The following TTC28 variants were observed in gnomAD, a reference collection of about 807,000 sequenced individuals.
The protein encoded by TTC28 is tetratricopeptide repeat protein 28.
A neutral mutation model predicts 198.0 loss-of-function variants in TTC28; 61 were observed. That is an observed-to-expected ratio of 0.31 (90% CI 0.25 to 0.38). The LOEUF (loss-of-function observed/expected upper bound fraction) is 0.38. Among genes scored for constraint, TTC28 ranks in the 10% least tolerant of loss-of-function variants. The pLI, the probability that TTC28 is intolerant of heterozygous loss-of-function variation, is 1.00. For synonymous variants in TTC28, 1,171 were observed against 1,297.8 expected, an observed-to-expected ratio of 0.90 and a Z score of 2.10; for missense variants, 2,678 against 3,164.0, an observed-to-expected ratio of 0.85 and a Z score of 3.69.
chr22:28,531,578 C>T (rs931056976), intron 2 of TTC28, among the ~76,000 whole-genome samples: 5 of 152,186 alleles, frequency 3.3e-5, no homozygotes, highest in Non-Finnish European at 7.3e-5. Flanking sequence ...ATCTACAGAA[C>T]TCTCCACCCC....
At position 28,098,986 on chromosome 22, in the gene TTC28, T is replaced by A; in HGVS notation, c.3476A>T (p.Asp1159Val). Residue 1159 changes from aspartate to valine, a missense_variant, in exon 10 of 23, where the codon GAC (aspartate) becomes GTC (valine). Physicochemically the swap from Asp to Val is radical, Grantham distance 152. This residue lies in a region of TTC28 where 727 missense variants were observed against 861.9 expected (regional missense o/e 0.84). Transcript: ENST00000397906. ...CAGGTCAAAGAGGGAGAGTTTGTAGTCCGTGCTCAGCTGTGCCTCATGTCG... is the reference window on the plus strand; with the variant it reads ...CAGGTCAAAGAGGGAGAGTTTGTAGACCGTGCTCAGCTGTGCCTCATGTCG... ...TIRHEAQLST[D>V]YKLSLFDLQT... The A allele has an allele frequency of 1.3e-6, 2 of 1,551,910 alleles. No homozygotes were observed. The highest frequency in any genetic ancestry group is 2.4e-5 in the South Asian group (2 of 84,062).
chr22:28,085,764 C>T (rs1941566943), intron 12 of TTC28, among the ~76,000 whole-genome samples: 1 of 152,078 alleles, frequency 6.6e-6, no homozygotes, highest in South Asian at 2.1e-4. Context: ...ATTCAGGAAA[C>T]CCACCTCACG....
chr22:28,027,502 A>AT (rs1307767269), intron 13 of TTC28, among the ~76,000 whole-genome samples: 1 of 152,240 alleles, frequency 6.6e-6, no homozygotes, highest in Non-Finnish European at 1.5e-5. Context: ...CTCATTGCCA[A>AT]ATCAGTCCAG....
At chr22:28,028,978 C>T (rs1204696568) in intron 13 of TTC28, 1 of 471,110 alleles carries the variant, frequency 2.1e-6, no homozygotes. Flanking sequence ...ACTCTGAGCT[C>T]TTCACACTCT....
At chr22:28,197,885 C>A (rs1056966973) in intron 5 of TTC28, among the ~76,000 whole-genome samples, 3 of 151,910 alleles carry the variant, frequency 2.0e-5, no homozygotes, top group Non-Finnish European at 4.4e-5. Flanking sequence ...ATTTAAAAAA[C>A]CCATCAAACA....
Position 28,306,600 on chromosome 22 carries a change from T to A in TTC28, c.425A>T (p.His142Leu). The change falls in exon 3 of 23, where the codon CAT (histidine) becomes CTT (leucine). Residue 142 changes from histidine to leucine, a missense_variant. By Grantham distance (99) the His-to-Leu change is moderately conservative (BLOSUM62 -3). Around this residue, in one of 8 missense-constraint regions of TTC28, gnomAD observed 176 missense variants for 197.9 expected, o/e 0.89. Coordinates refer to ENST00000397906, the MANE Select transcript of TTC28 (RefSeq NM_001145418.2). ...TGCAAAGGCTGCCAGGGCATCGGCA[T>A]GACGTCCAAGGTACTGGAGGGCAAC... ...QGVALQYLGR[H>L]ADALAAFASG... is the part of the protein sequence containing the mutation. 6.4e-7 allele frequency: 1 copy of A among 1,551,640 alleles called. No individual in the cohort carries two copies. The highest frequency in any genetic ancestry group is 1.2e-5 in the South Asian group (1 of 84,060).
intron 6 of TTC28, among the ~76,000 whole-genome samples, chr22:28,155,944 G>C (rs925307211): frequency 6.6e-5 from 10 of 152,176 alleles, no homozygotes; most frequent in African/African-American, 2.4e-4. Context: ...AACTCAACTA[G>C]TAGGTTGATG....
At chr22:28,416,774 A>G (rs1176557599) in intron 2 of TTC28, among the ~76,000 whole-genome samples, 1 of 152,208 alleles carries the variant, frequency 6.6e-6, no homozygotes, top group Non-Finnish European at 1.5e-5. Flanking sequence ...ATACTCTGCA[A>G]AGAGACTGGG....
chr22:28,528,443 G>C (rs887545626), intron 2 of TTC28, among the ~76,000 whole-genome samples: 5 of 151,948 alleles, frequency 3.3e-5, no homozygotes, highest in African/African-American at 1.2e-4. Flanking sequence ...TAAAAACCCA[G>C]TGTAGGCCAG....
intron 12 of TTC28, among the ~76,000 whole-genome samples, chr22:28,083,851 A>T (rs75847087): frequency 6.6e-6 from 1 of 152,256 alleles, no homozygotes; most frequent in African/African-American, 2.4e-5. Flanking sequence ...CAAATGGCAC[A>T]CTAGGAGATT....
intron 5 of TTC28, among the ~76,000 whole-genome samples, chr22:28,230,473 G>A: frequency 6.6e-6 from 1 of 151,938 alleles, no homozygotes; most frequent in Admixed American, 6.5e-5. Context: ...CACATAGAGG[G>A]GAAGGGTCTT....
At chr22:28,337,254 T>A (rs1257114742) in intron 2 of TTC28, among the ~76,000 whole-genome samples, 4 of 152,234 alleles carry the variant, frequency 2.6e-5, no homozygotes, top group African/African-American at 7.2e-5. Flanking sequence ...AGTGCTTTAC[T>A]GCCAACTATG....
At chr22:28,611,860 G>A (rs927457647) in intron 2 of TTC28, among the ~76,000 whole-genome samples, 2 of 152,066 alleles carry the variant, frequency 1.3e-5, no homozygotes, top group African/African-American at 4.8e-5. Flanking sequence ...ACAAGCAAAT[G>A]CAAGAGATTT....
intron 2 of TTC28, among the ~76,000 whole-genome samples, chr22:28,338,334 C>T (rs749846604): frequency 1.2e-4 from 18 of 152,180 alleles, no homozygotes; most frequent in African/African-American, 1.7e-4. Context: ...TTGCTCTTCT[C>T]GAGGAGTATC....
At chr22:28,243,210 A>C (rs1288993880) in intron 5 of TTC28, among the ~76,000 whole-genome samples, 2 of 125,514 alleles carry the variant, frequency 1.6e-5, no homozygotes, top group East Asian at 2.4e-4. Flanking sequence ...AAAAAAAAAA[A>C]AAACTAGCCA....
intron 2 of TTC28, among the ~76,000 whole-genome samples, chr22:28,310,137 C>T (rs2045228501): frequency 8.5e-6 from 1 of 117,094 alleles, no homozygotes; most frequent in Non-Finnish European, 1.7e-5. Context: ...TGACACATAA[C>T]ACACACACAC....
chr22:28,188,602 A>G (rs761011348), intron 5 of TTC28, among the ~76,000 whole-genome samples: 1 of 152,206 alleles, frequency 6.6e-6, no homozygotes, highest in African/African-American at 2.4e-5. Flanking sequence ...TTAGAGATGA[A>G]GACGGAAATG....
In TTC28 at chr22:28,629,562, T is replaced by C; in HGVS notation, c.371A>G (p.Lys124Arg). The change falls in exon 2 of 23, where the codon AAG becomes AGG. Residue 124 changes from lysine (K) to arginine (R), a missense_variant. Lys to Arg is a conservative substitution (Grantham distance 26, BLOSUM62 2). Transcript: ENST00000397906. Reference sequence around the variant, plus strand: ...GGTAAAAATTTCTACCTTTGGCCACTTGGGATTGAGAAGTCGAGCTTTGAT... The same window carrying C: ...GGTAAAAATTTCTACCTTTGGCCACCTGGGATTGAGAAGTCGAGCTTTGAT... ...DAIKARLLNP[K>R]WPKAYFRQGV... 2.6e-6 allele frequency: 4 copies of C among 1,549,114 alleles called. 1 individual carries two copies. Among genetic ancestry groups the C allele is most frequent in the South Asian group, 2.4e-5 (2 of 83,554 alleles).
chr22:28,252,757 G>T (rs976402707), intron 5 of TTC28, among the ~76,000 whole-genome samples: 1 of 152,162 alleles, frequency 6.6e-6, no homozygotes, highest in African/African-American at 2.4e-5. Flanking sequence ...AGCAAGCCCA[G>T]ATCAATGTTC....
Sources: gnomAD v4.1 joint callset for allele counts (sites outside exome capture counted in the v4.1 genomes callset) on GRCh38, gnomAD v4.1.1 for gene constraint, gnomAD v4.1.1 regional missense constraint, MANE v1.5 for transcripts, NCBI Gene and HGNC (gene_info 2026-07-23, HGNC 2026-07-21) for gene names.